Variants in ATP11B observed in about 807,000 individuals in gnomAD.
The protein encoded by ATP11B is phospholipid-transporting ATPase IF.
Under a neutral mutation model 157.8 loss-of-function variants are expected in ATP11B, and 81 were observed. The observed-to-expected ratio is 0.51, with a 90% confidence interval of 0.43 to 0.62. ATP11B has a LOEUF of 0.62. ATP11B is among the 20% of genes least tolerant of loss of function. ATP11B has a pLI of 0.00. For missense variants in ATP11B, 1,165 were observed against 1,402.2 expected (o/e 0.83, Z 2.70); for synonymous variants, 451 against 469.4 (o/e 0.96, Z 0.51).
chr3:182,896,671 T>C, intron 25 of ATP11B, 29 bp from the exon 26 acceptor site: 1 of 1,566,722 alleles, frequency 6.4e-7, no homozygotes, highest in Non-Finnish European at 8.8e-7. Context: ...TGTTAACACG[T>C]AATGTAATAG....
At position 182,887,573 on chromosome 3, in the gene ATP11B, T is replaced by C; in HGVS notation, c.2716-13T>C. On this transcript the variant is annotated splice_polypyrimidine_tract_variant and intron_variant, in intron 23 of 29. Coordinates refer to ENST00000323116, the MANE Select transcript of ATP11B (RefSeq NM_014616.3). ...TTCAGAAACTCAACATTCCTACCAATTTCTCTTTCTAGACATTGTATGACA... is the reference window on the plus strand; with the variant it reads ...TTCAGAAACTCAACATTCCTACCAACTTCTCTTTCTAGACATTGTATGACA... The C allele has an allele frequency of 6.2e-7, 1 of 1,600,856 alleles. No individual in the cohort carries two copies. Among genetic ancestry groups the C allele is most frequent in the Non-Finnish European group, 8.5e-7 (1 of 1,175,788 alleles).
At chr3:182,806,702 C>T (rs989718628) in intron 1 of ATP11B, among the ~76,000 whole-genome samples, 2 of 152,124 alleles carry the variant, frequency 1.3e-5, no homozygotes, top group Admixed American at 1.3e-4. Flanking sequence ...TTTCTGTCTG[C>T]TCTTTCTGCA....
At chr3:182,847,083 CTCTGTT>C (rs1413622671) in intron 9 of ATP11B, among the ~76,000 whole-genome samples, 1 of 136,242 alleles carries the variant, frequency 7.3e-6, no homozygotes, top group Non-Finnish European at 1.5e-5. Flanking sequence ...GACATGGTTA[CTCTGTT>C]GCCCAGGCTG....
At chr3:182,832,293 TAA>T (rs1280014759) in intron 4 of ATP11B, among the ~76,000 whole-genome samples, 24 of 152,266 alleles carry the variant, frequency 1.6e-4, no homozygotes, top group Middle Eastern at 3.4e-3. Flanking sequence ...GAGAGCTTCA[TAA>T]CTAAGGCAAA....
intron 4 of ATP11B, among the ~76,000 whole-genome samples, chr3:182,834,970 G>A (rs1718434669): frequency 6.6e-6 from 1 of 152,130 alleles, no homozygotes; most frequent in African/African-American, 2.4e-5. Context: ...AAGTCAGCTA[G>A]AGAAAAGAAC....
At chr3:182,909,160 G>A (rs2108592742) in intron 28 of ATP11B, among the ~76,000 whole-genome samples, 1 of 152,288 alleles carries the variant, frequency 6.6e-6, no homozygotes, top group East Asian at 1.9e-4. Flanking sequence ...AAAATATTTT[G>A]TATAAGCAAT....
chr3:182,795,246 A>G (rs944938868), intron 1 of ATP11B, among the ~76,000 whole-genome samples: 5 of 152,244 alleles, frequency 3.3e-5, no homozygotes, highest in African/African-American at 1.2e-4. Flanking sequence ...GTTAATTATT[A>G]CAGATTTGAT....
chr3:182,831,873 G>A (rs115180108), intron 4 of ATP11B, among the ~76,000 whole-genome samples: 1,626 of 152,030 alleles, frequency 0.011, 31 homozygotes, highest in African/African-American at 0.037. Context: ...TAGCTCTACG[G>A]TGCCAGATAA....
At chr3:182,804,913 CATA>C (rs1213476038) in intron 1 of ATP11B, among the ~76,000 whole-genome samples, 1 of 152,134 alleles carries the variant, frequency 6.6e-6, no homozygotes, top group African/African-American at 2.4e-5. Context: ...TTTCACCTAG[CATA>C]ATGTTTTCAA....
intron 21 of ATP11B, among the ~76,000 whole-genome samples, chr3:182,882,138 C>G (rs1264645625): frequency 6.6e-6 from 1 of 152,084 alleles, no homozygotes; most frequent in African/African-American, 2.4e-5. Flanking sequence ...CTGGAATAGT[C>G]TCTATAATGT....
At chr3:182,908,597 T>G (rs1724554568) in intron 28 of ATP11B, 1 of 152,186 alleles carries the variant, frequency 6.6e-6, no homozygotes, top group Non-Finnish European at 1.5e-5. Context: ...AGTTGTTTAT[T>G]TTACTTAGAG....
At chr3:182,830,877 A>T (rs1718082194) in intron 4 of ATP11B, among the ~76,000 whole-genome samples, 1 of 152,190 alleles carries the variant, frequency 6.6e-6, no homozygotes, top group Admixed American at 6.5e-5. Flanking sequence ...TATGCATTTA[A>T]ATCACTCCAT....
At position 182,836,472 on chromosome 3, in the gene ATP11B, T is replaced by G; in HGVS notation, c.552+2T>G. ...TTGGACGGAGAAACTAACCTGAAGG[T>G]TTGCTTGCATATGTTTGAGTATTGC... On this transcript the variant is annotated splice_donor_variant, in intron 6 of 29. Coordinates refer to ENST00000323116, the MANE Select transcript of ATP11B (RefSeq NM_014616.3). LOFTEE classifies it high-confidence loss of function. 6.2e-7 allele frequency: 1 copy of G among 1,613,900 alleles called. No individual in the cohort carries two copies. The highest frequency in any genetic ancestry group is 8.5e-7 in the Non-Finnish European group (1 of 1,179,826).
Position 182,793,593 on chromosome 3 carries a change from C to G in ATP11B, c.-167C>G. ...CCGCGCCTGTAGGACTCGGGGCCGA[C>G]GCCGCGGGATGGGGACGCGGCGCGG... On this transcript the variant is annotated 5_prime_UTR_variant, in exon 1 of 30. Coordinates refer to ENST00000323116, the MANE Select transcript of ATP11B (RefSeq NM_014616.3). 1 of 390,416 alleles carries G rather than the reference C, an allele frequency of 2.6e-6. No homozygotes were observed. Among genetic ancestry groups the G allele is most frequent in the South Asian group, 9.3e-5 (1 of 10,762 alleles). 24.2% of individuals were successfully genotyped at this position (390,416 alleles called of 1,614,324 possible). A position where few individuals can be genotyped will look rare whatever the true frequency, so the allele number is the denominator to read the frequency against.
chr3:182,859,618 C>A (rs543074363), intron 12 of ATP11B, among the ~76,000 whole-genome samples: 3 of 152,112 alleles, frequency 2.0e-5, no homozygotes, highest in African/African-American at 7.2e-5. Flanking sequence ...AACTCTTACA[C>A]TACTCTTCCC....
rs990313908 is a variant in ATP11B at position 182,918,637 on chromosome 3, A to T, written c.*533A>T. On this transcript the variant is annotated 3_prime_UTR_variant, in exon 30 of 30. Transcript: ENST00000323116. The stretch of plus-strand genomic sequence containing the variant: ...CCTCAGTGACCTGTGTTGTTAATTC[A>T]TTAATGCATTCTGAGTTCACAGAGC... 1 of 341,436 alleles carries T rather than the reference A, an allele frequency of 2.9e-6. No homozygotes were observed. The highest frequency in any genetic ancestry group is 5.2e-6 in the Non-Finnish European group (1 of 190,902). The allele number at this position is 341,436 out of a possible 1,614,324, so 21.2% of individuals were successfully genotyped here.
intron 28 of ATP11B, among the ~76,000 whole-genome samples, chr3:182,913,347 A>G (rs2108597187): frequency 6.6e-6 from 1 of 152,308 alleles, no homozygotes; most frequent in Non-Finnish European, 1.5e-5. Flanking sequence ...GTTTGCTGCC[A>G]TTGTTGTTGT....
Position 182,896,399 on chromosome 3 carries a change from G to A in ATP11B, c.2983-301G>A, listed in dbSNP as rs1723551731. On this transcript the variant is annotated intron_variant, in intron 25 of 29. Transcript: ENST00000323116. ...ATTTTTACTGTGCAACAGCAATAAA[G>A]CAGTCCCTAATGACTACATTATTCT... 2.0e-5 allele frequency among the ~76,000 whole-genome samples: 3 copies of A among 152,318 alleles called. No individual in the cohort carries two copies. In the South Asian group the frequency reaches 6.2e-4, roughly 32 times the overall value.
chr3:182,869,526 T>C (rs576752670), intron 17 of ATP11B, among the ~76,000 whole-genome samples, 195 bp downstream of exon 17: 8 of 152,234 alleles, frequency 5.3e-5, no homozygotes, highest in Non-Finnish European at 1.0e-4. Flanking sequence ...AAACCTACTC[T>C]ACAGTCGGGG....
Sources: allele counts gnomAD v4.1 joint callset (sites outside exome capture counted in the v4.1 genomes callset), GRCh38; gene constraint gnomAD v4.1.1; transcripts MANE v1.5; gene names NCBI Gene and HGNC (gene_info 2026-07-23, HGNC 2026-07-21).